RBFOX1: variants seen among roughly 807,000 people sequenced by gnomAD.
RBFOX1 encodes RNA binding fox-1 homolog 1.
RBFOX1 carries 8 observed loss-of-function variants against 57.7 expected under a neutral mutation model. The observed-to-expected ratio is 0.14, with a 90% CI of 0.08 to 0.25. RBFOX1 has a LOEUF of 0.25. RBFOX1 is among the 10% of genes least tolerant of loss of function. The probability of loss-of-function intolerance (pLI) is 1.00; values close to 1 mark genes in which losing one functional copy is unlikely to be tolerated. For missense variants in RBFOX1, 611 were observed against 548.5 expected, an observed-to-expected ratio of 1.11 and a Z score of -1.14; for synonymous variants, 326 against 222.4, an observed-to-expected ratio of 1.47 and a Z score of -4.15.
intron 3 of RBFOX1, among the ~76,000 whole-genome samples, chr16:5,747,762 C>G (rs887106951): frequency 1.3e-5 from 2 of 152,028 alleles, no homozygotes; most frequent in South Asian, 2.1e-4. Context: ...TGATTCTTCC[C>G]TCTTTACTTC....
At chr16:7,604,639 T>G (rs1348662047) in intron 9 of RBFOX1, among the ~76,000 whole-genome samples, 1 of 152,150 alleles carries the variant, frequency 6.6e-6, no homozygotes, top group Non-Finnish European at 1.5e-5. Context: ...AGTAGATAGA[T>G]GGATAGGTGG....
intron 1 of RBFOX1, among the ~76,000 whole-genome samples, chr16:6,243,142 G>T (rs1293177048): frequency 2.0e-5 from 3 of 151,038 alleles, no homozygotes; most frequent in Non-Finnish European, 4.4e-5. Flanking sequence ...TTATACGTGT[G>T]TCTGTGTGTG....
At position 6,019,097 on chromosome 16, in the gene RBFOX1, A is replaced by C; in HGVS notation, c.-1022A>C. On this transcript the variant is annotated 5_prime_UTR_variant, in exon 1 of 16. Coordinates refer to ENST00000550418, the MANE Select transcript of RBFOX1 (RefSeq NM_018723.4). The surrounding 1 kb of genome is among the most constrained non-coding windows in gnomAD (Gnocchi z 4.2). ...CTCACACACACACAGACACACACGCACACACACACATGCACACATTTTCTC... is the reference window on the plus strand; with the variant it reads ...CTCACACACACACAGACACACACGCCCACACACACATGCACACATTTTCTC... The C allele has an allele frequency of 1.0e-6, 1 of 982,446 alleles. No individual in the cohort carries two copies. The highest frequency in any genetic ancestry group is 4.7e-5 in the South Asian group (1 of 21,110). The allele number at this position is 982,446 out of a possible 1,614,324, so 60.9% of individuals were successfully genotyped here. A position where few individuals can be genotyped will look rare whatever the true frequency, so the allele number is the denominator to read the frequency against.
intron 3 of RBFOX1, among the ~76,000 whole-genome samples, chr16:5,718,175 C>A (rs1241728491): frequency 6.6e-6 from 1 of 152,242 alleles, no homozygotes; most frequent in East Asian, 1.9e-4. Flanking sequence ...TCTTGAATAG[C>A]TGCTGTTCTT....
chr16:6,236,008 A>C (rs1247662505), intron 1 of RBFOX1, among the ~76,000 whole-genome samples: 9 of 152,208 alleles, frequency 5.9e-5, no homozygotes, highest in African/African-American at 2.2e-4. Context: ...TATGGAAATA[A>C]AAAAAATTCA....
chr16:7,553,374 G>T (rs1466611509), intron 5 of RBFOX1, among the ~76,000 whole-genome samples: 2 of 151,982 alleles, frequency 1.3e-5, no homozygotes, highest in Non-Finnish European at 2.9e-5. Context: ...CAAACTCCTG[G>T]CCCCAAGTGA....
At chr16:5,502,218 A>G (rs532033208) in intron 2 of RBFOX1, among the ~76,000 whole-genome samples, 12 of 152,234 alleles carry the variant, frequency 7.9e-5, no homozygotes, top group African/African-American at 2.6e-4. Context: ...TTTGGGCAGA[A>G]GGATTAGAAT....
rs137933300 is a variant in RBFOX1 at position 6,005,661 on chromosome 16, C to T, written c.351+138326C>T. 4.5e-4 allele frequency among the ~76,000 whole-genome samples: 69 copies of T among 152,286 alleles called. 1 individual carries two copies. The highest frequency in any genetic ancestry group is 1.5e-3 in the African/African-American group (64 of 41,548). Reference sequence around the variant, plus strand: ...GCATCCCTTCTCCAGTCATGACAACCAAAAATGTCTCTAGACATTGCCAAA... The same window carrying T: ...GCATCCCTTCTCCAGTCATGACAACTAAAAATGTCTCTAGACATTGCCAAA... On this transcript the variant is annotated intron_variant, in intron 4 of 19. Transcript: ENST00000641259.
chr16:7,247,121 A>C (rs2094333654), intron 4 of RBFOX1, among the ~76,000 whole-genome samples: 2 of 152,114 alleles, frequency 1.3e-5, no homozygotes, highest in Non-Finnish European at 1.5e-5. Context: ...CTGGCCCTCA[A>C]GTGAGGAGGC....
rs139529002 is a variant in RBFOX1, at chr16:6,810,606, G to C, written c.-16+155956G>C. Among the ~76,000 whole-genome samples, 533 of 152,072 alleles carry C rather than the reference G, an allele frequency of 3.5e-3. 3 individuals carry two copies. The highest frequency in any genetic ancestry group is 5.5e-3 in the Non-Finnish European group (373 of 67,984). On this transcript the variant is annotated intron_variant, in intron 3 of 15. Coordinates refer to ENST00000550418, the MANE Select transcript of RBFOX1 (RefSeq NM_018723.4). ...TCATAGTGCTATAAAGAGCTATAAAGAACTTCCTGGAGACTGGGTATTTTA... is the reference window on the plus strand; with the variant it reads ...TCATAGTGCTATAAAGAGCTATAAACAACTTCCTGGAGACTGGGTATTTTA...
At chr16:6,850,525 G>A (rs2141948465) in intron 3 of RBFOX1, among the ~76,000 whole-genome samples, 1 of 152,116 alleles carries the variant, frequency 6.6e-6, no homozygotes, top group Middle Eastern at 3.4e-3. Flanking sequence ...GGAAGTTGGA[G>A]GAAGAAACAA....
chr16:5,576,571 C>G (rs1239438829), intron 2 of RBFOX1, among the ~76,000 whole-genome samples: 1 of 152,204 alleles, frequency 6.6e-6, no homozygotes, highest in Non-Finnish European at 1.5e-5. Context: ...CCCTTTCCCC[C>G]GTAGACCCTA....
intron 3 of RBFOX1, among the ~76,000 whole-genome samples, chr16:5,742,080 A>G (rs940670053): frequency 1.3e-5 from 2 of 152,214 alleles, no homozygotes; most frequent in African/African-American, 4.8e-5. Flanking sequence ...ATATAATGAG[A>G]GGTTTTCTGA....
At chr16:7,478,353 G>A (rs755243136) in intron 4 of RBFOX1, among the ~76,000 whole-genome samples, 6 of 152,180 alleles carry the variant, frequency 3.9e-5, no homozygotes, top group Non-Finnish European at 7.4e-5. Context: ...ACTCCAGGTG[G>A]CCCAAGGGAA....
intron 3 of RBFOX1, among the ~76,000 whole-genome samples, chr16:7,029,487 A>G (rs1490712166): frequency 4.6e-5 from 7 of 151,726 alleles, no homozygotes; most frequent in Admixed American, 4.6e-4. Flanking sequence ...TTAGGTGACA[A>G]AGTCAGTGTT....
chr16:6,339,853 A>G (rs572896429), intron 2 of RBFOX1, among the ~76,000 whole-genome samples: 29 of 151,068 alleles, frequency 1.9e-4, no homozygotes, highest in African/African-American at 4.4e-4. Context: ...TTTTATTTCT[A>G]TTTTTAGTAG....
At chr16:7,384,668 A>C (rs1481767043) in intron 4 of RBFOX1, among the ~76,000 whole-genome samples, 1 of 152,176 alleles carries the variant, frequency 6.6e-6, no homozygotes, top group African/African-American at 2.4e-5. Flanking sequence ...TATAAGGTAA[A>C]TAAGACCATC....
At chr16:5,783,134 A>G (rs1354312877) in intron 3 of RBFOX1, among the ~76,000 whole-genome samples, 2 of 150,984 alleles carry the variant, frequency 1.3e-5, no homozygotes, top group Admixed American at 1.3e-4. Flanking sequence ...TTACTTAAAT[A>G]TTTTTAAATT....
intron 2 of RBFOX1, among the ~76,000 whole-genome samples, chr16:6,404,291 A>C (rs1013151493): frequency 6.6e-6 from 1 of 152,174 alleles, no homozygotes; most frequent in South Asian, 2.1e-4. Context: ...GGATGTCTGA[A>C]AGTTGTATGC....
Sources: gnomAD v4.1 joint callset for allele counts (sites outside exome capture counted in the v4.1 genomes callset) on GRCh38, gnomAD v4.1.1 for gene constraint, Gnocchi (gnomAD v3.1) non-coding constraint, MANE v1.5 for transcripts, NCBI Gene and HGNC (gene_info 2026-07-23, HGNC 2026-07-21) for gene names.